The following PI4KB variants were observed in gnomAD, a reference collection of about 807,000 sequenced individuals.
PI4KB encodes the protein phosphatidylinositol 4-kinase beta, also known as PtdIns 4-kinase beta.
In PI4KB, 23 loss-of-function variants were observed where a neutral mutation model predicts 81.4. The ratio of observed to expected loss-of-function variants is 0.28; its 90% CI spans 0.20 to 0.40. The LOEUF (loss-of-function observed/expected upper bound fraction) is 0.40. Among genes scored for constraint, PI4KB ranks in the 10% least tolerant of loss-of-function variants. The pLI, the probability that PI4KB is intolerant of heterozygous loss-of-function variation, is 1.00. For synonymous variants in PI4KB, 381 were observed against 406.8 expected, an observed-to-expected ratio of 0.94 and a Z score of 0.76; for missense variants, 651 against 1,036.6, an observed-to-expected ratio of 0.63 and a Z score of 5.11.
At chr1:151,319,467 C>T (rs1469050970) in intron 1 of PI4KB, among the ~76,000 whole-genome samples, 1 of 152,190 alleles carries the variant, frequency 6.6e-6, no homozygotes, top group African/African-American at 2.4e-5. Flanking sequence ...CCACTCCCCC[C>T]ACTGTCATAC....
chr1:151,306,242 C>T lies in PI4KB; in HGVS notation c.1304G>A (p.Cys435Tyr), dbSNP rs1695745694. The T allele has an allele frequency of 1.2e-6, 2 of 1,614,066 alleles. No individual in the cohort carries two copies. Among genetic ancestry groups the T allele is most frequent in the Admixed American group, 3.3e-5 (2 of 60,004 alleles). The change falls in exon 5 of 12, where the codon TGT becomes TAT. Residue 435 changes from cysteine (C) to tyrosine (Y), a missense_variant. Physicochemically the swap from Cys to Tyr is radical, Grantham distance 194. This residue lies in a region of PI4KB where 246 missense variants were observed against 430.1 expected (regional missense o/e 0.57). Coordinates refer to ENST00000368873, the MANE Select transcript of PI4KB (RefSeq NM_001369623.2). ...AGCTCGCTGCTCATGGGTAATACCA[C>T]ATTCGGGCAAGTTTTCTACGGACCT... ...STRSVENLPE[C>Y]GITHEQRAGS...
intron 3 of PI4KB, among the ~76,000 whole-genome samples, chr1:151,309,870 G>A (rs1337633648): frequency 6.6e-6 from 1 of 152,184 alleles, no homozygotes; most frequent in Non-Finnish European, 1.5e-5. Flanking sequence ...GGGGGTTTCT[G>A]CCAGGCAGTT....
At position 151,292,568 on chromosome 1, in the gene PI4KB, CCT is replaced by C. The variant is rs1694382078; in HGVS notation, c.*282_*283del. ...GCCCCAGTGTCCCTCACATTTGTCA[CCT>C]CTGTTTTCTGGAGGGCAGTGAGTCC... On this transcript the variant is annotated 3_prime_UTR_variant, in exon 12 of 12. Coordinates refer to ENST00000368873, the MANE Select transcript of PI4KB (RefSeq NM_001369623.2). 7.5e-6 allele frequency: 3 copies of C among 399,698 alleles called. No individual in the cohort carries two copies. Among genetic ancestry groups the C allele is most frequent in the African/African-American group, 2.0e-5 (1 of 48,790 alleles). 24.8% of individuals were successfully genotyped at this position (399,698 alleles called of 1,614,324 possible). A position where few individuals can be genotyped will look rare whatever the true frequency, so the allele number is the denominator to read the frequency against.
chr1:151,299,948 T>C (rs1695120992), intron 8 of PI4KB, among the ~76,000 whole-genome samples: 2 of 152,176 alleles, frequency 1.3e-5, no homozygotes, highest in South Asian at 2.1e-4. Flanking sequence ...ACCAATTGTG[T>C]TGGCATTAAA....
chr1:151,306,035 G>T, intron 5 of PI4KB, 101 bp downstream of exon 5: 2 of 905,112 alleles, frequency 2.2e-6, no homozygotes, highest in Non-Finnish European at 1.8e-6. Context: ...TAGGATACTT[G>T]CCTTACCCTG....
At chr1:151,313,358 C>T (rs1647406782) in intron 2 of PI4KB, among the ~76,000 whole-genome samples, 1 of 152,132 alleles carries the variant, frequency 6.6e-6, no homozygotes, top group South Asian at 2.1e-4. Flanking sequence ...TAAGTATTCA[C>T]CTAATACCTG....
At chr1:151,314,360 A>G (rs1647585996) in intron 2 of PI4KB, among the ~76,000 whole-genome samples, 1 of 152,144 alleles carries the variant, frequency 6.6e-6, no homozygotes, top group Non-Finnish European at 1.5e-5. Flanking sequence ...GGAGGACTGG[A>G]GCACCATTGT....
intron 1 of PI4KB, chr1:151,324,608 A>T: frequency 4.8e-6 from 1 of 210,234 alleles, no homozygotes; most frequent in Non-Finnish European, 8.3e-6. Context: ...CATGGTAGTT[A>T]AGTCAATATT....
chr1:151,309,016 G>T (rs982426818), intron 3 of PI4KB, among the ~76,000 whole-genome samples: 1 of 152,212 alleles, frequency 6.6e-6, no homozygotes, highest in Non-Finnish European at 1.5e-5. Flanking sequence ...CCTCTTGGGA[G>T]ATGGTTCAGA....
At chr1:151,309,735 C>T (rs1328353020) in intron 3 of PI4KB, among the ~76,000 whole-genome samples, 1 of 152,074 alleles carries the variant, frequency 6.6e-6, no homozygotes, top group Non-Finnish European at 1.5e-5. Context: ...AGGCCAAGTC[C>T]TATTTGTTTT....
In PI4KB at chr1:151,294,445, C is replaced by T; in HGVS notation, c.2112G>A (p.Glu704=). Residue 704 remains glutamate (E), a synonymous_variant, in exon 10 of 12, where the codon GAG becomes GAA. Coordinates refer to ENST00000368873, the MANE Select transcript of PI4KB (RefSeq NM_001369623.2). ...CTGTGGTCAGCTTAAAGGCTGACGTCTCAAAGCCCAGATTTCGGGGTGAGC... is the reference window on the plus strand; with the variant it reads ...CTGTGGTCAGCTTAAAGGCTGACGTTTCAAAGCCCAGATTTCGGGGTGAGC... ...LSSSPRNLGF[E]TSAFKLTTEF... is the part of the protein sequence containing the mutation. The T allele has an allele frequency of 6.2e-7, 1 of 1,613,944 alleles. No individual in the cohort carries two copies. Among genetic ancestry groups the T allele is most frequent in the South Asian group, 1.1e-5 (1 of 91,072 alleles).
intron 1 of PI4KB, among the ~76,000 whole-genome samples, chr1:151,326,703 G>A (rs1416583674): frequency 1.3e-5 from 2 of 152,210 alleles, no homozygotes. Context: ...ATCCCTTAAG[G>A]AGAAGGGAAC....
At chr1:151,294,160 G>C in intron 10 of PI4KB, 22 bp from the exon 11 acceptor site, 2 of 1,606,040 alleles carry the variant, frequency 1.2e-6, no homozygotes, top group Non-Finnish European at 1.7e-6. Flanking sequence ...AGAGAGCGTT[G>C]TGTGCACAAG....
chr1:151,307,445 T>C, intron 4 of PI4KB, 129 bp downstream of exon 4: 1 of 639,514 alleles, frequency 1.6e-6, no homozygotes, highest in Admixed American at 2.5e-5. Flanking sequence ...ATGGTTGACA[T>C]ATGCATCATG....
In PI4KB at chr1:151,295,631, G is replaced by A. The variant is rs750953209; in HGVS notation, c.2016-1090C>T. On this transcript the variant is annotated intron_variant, in intron 9 of 11. Coordinates refer to ENST00000368873, the MANE Select transcript of PI4KB (RefSeq NM_001369623.2). ...AAAGAGATCCTAAAACCTGACTCCA[G>A]TATGGGGCCTCATTCATTGTTGCCA... is the stretch of plus-strand genomic sequence containing the variant. Among the ~76,000 whole-genome samples the A allele has an allele frequency of 7.9e-5, 12 of 152,356 alleles. 1 individual carries two copies. Among genetic ancestry groups the A allele is most frequent in the African/African-American group, 2.2e-4 (9 of 41,582 alleles).
intron 10 of PI4KB, 112 bp from the exon 11 acceptor site, chr1:151,294,250 C>T (rs1571127085): frequency 3.3e-6 from 5 of 1,496,528 alleles, no homozygotes; most frequent in Non-Finnish European, 4.5e-6. Flanking sequence ...TTATTTCCCC[C>T]TTCCTTATTG....
chr1:151,315,842 G>C lies in PI4KB; in HGVS notation c.640C>G (p.Leu214Val). Residue 214 changes from leucine to valine, a missense_variant, in exon 2 of 12, where the codon CTG becomes GTG. This residue lies in a region of PI4KB where 314 missense variants were observed against 397.8 expected (regional missense o/e 0.79). Coordinates refer to ENST00000368873, the MANE Select transcript of PI4KB (RefSeq NM_001369623.2). ...TCTGAAGAATAGGCCCCAAGCAACA[G>C]GGCACACTGGAGGGAAAAGTTAATG... ...QSINFSLQCA[L>V]LLGAYSSDMH... is the part of the protein sequence containing the mutation. 2 of 1,613,958 alleles carry C rather than the reference G, an allele frequency of 1.2e-6. No individual in the cohort carries two copies. Among genetic ancestry groups the C allele is most frequent in the South Asian group, 1.1e-5 (1 of 91,066 alleles).
In PI4KB at chr1:151,292,647, C is replaced by T; in HGVS notation, c.*205G>A. ...CACAGACCAGGAGGGGCAGGGAAGCCCCAACAAGTCTGGACCCCACAGCTG... is the reference window on the plus strand; with the variant it reads ...CACAGACCAGGAGGGGCAGGGAAGCTCCAACAAGTCTGGACCCCACAGCTG... On this transcript the variant is annotated 3_prime_UTR_variant, in exon 12 of 12. Coordinates refer to ENST00000368873, the MANE Select transcript of PI4KB (RefSeq NM_001369623.2). The T allele has an allele frequency of 1.7e-6, 1 of 584,324 alleles. No individual in the cohort carries two copies. The highest frequency in any genetic ancestry group is 3.0e-6 in the Non-Finnish European group (1 of 329,016). 36.2% of individuals were successfully genotyped at this position (584,324 alleles called of 1,614,324 possible). A position where few individuals can be genotyped will look rare whatever the true frequency, so the allele number is the denominator to read the frequency against.
intron 9 of PI4KB, among the ~76,000 whole-genome samples, chr1:151,298,269 AT>A (rs1694970858): frequency 6.6e-6 from 1 of 152,112 alleles, no homozygotes; most frequent in South Asian, 2.1e-4. Flanking sequence ...AGGCCCTATT[AT>A]CTCTTGCTTT....
Sources: gnomAD v4.1 joint callset for allele counts (sites outside exome capture counted in the v4.1 genomes callset) on GRCh38, gnomAD v4.1.1 for gene constraint, gnomAD v4.1.1 regional missense constraint, MANE v1.5 for transcripts, NCBI Gene and HGNC (gene_info 2026-07-23, HGNC 2026-07-21) for gene names.